The following PDK1 variants were observed in gnomAD, a reference collection of about 807,000 sequenced individuals.
The protein encoded by PDK1 is [Pyruvate dehydrogenase (acetyl-transferring)] kinase isozyme 1, mitochondrial.
Under a neutral mutation model 54.2 loss-of-function variants are expected in PDK1, and 39 were observed. The observed-to-expected ratio is 0.72, with a 90% confidence interval of 0.56 to 0.94. The LOEUF (loss-of-function observed/expected upper bound fraction) is 0.94. PDK1 is among the 40% of genes least tolerant of loss of function. PDK1 has a pLI of 0.00. For synonymous variants in PDK1, 221 were observed against 207.1 expected, an observed-to-expected ratio of 1.07 and a Z score of -0.58; for missense variants, 552 against 566.0, an observed-to-expected ratio of 0.98 and a Z score of 0.25.
chr2:172,685,921 G>T, the PDK1 span, among the ~76,000 whole-genome samples: 1 of 152,118 alleles, frequency 6.6e-6, no homozygotes, highest in Admixed American at 6.5e-5. Flanking sequence ...TTCCTGTTTT[G>T]CATTCACATT....
the PDK1 span, among the ~76,000 whole-genome samples, chr2:172,657,704 C>A: frequency 6.6e-6 from 1 of 152,056 alleles, no homozygotes; most frequent in Admixed American, 6.6e-5. Flanking sequence ...ATGAAATTCC[C>A]ATGTGAAAGA....
rs1691210598 is a variant in PDK1, at chr2:172,604,215, G to A, written c.*8246G>A. On this transcript the variant is annotated 3_prime_UTR_variant, in exon 11 of 11. Coordinates refer to ENST00000282077, the MANE Select transcript of PDK1 (RefSeq NM_002610.5). Reference sequence around the variant, plus strand: ...TCCTGCCTCAGCCTCCCCAGTAGCTGGGATTACAGGCGAGCGCCATCATGC... The same window carrying A: ...TCCTGCCTCAGCCTCCCCAGTAGCTAGGATTACAGGCGAGCGCCATCATGC... The A allele has an allele frequency of 6.6e-6, 1 of 152,146 alleles. No individual in the cohort carries two copies. Among genetic ancestry groups the A allele is most frequent in the African/African-American group, 2.4e-5 (1 of 41,424 alleles). The allele number at this position is 152,146 out of a possible 1,614,324, so 9.4% of individuals were successfully genotyped here.
rs1249320161 is a variant in PDK1 at position 172,595,855 on chromosome 2, A to G, written c.1197A>G (p.Arg399=). Residue 399 remains arginine (R), a synonymous_variant, in exon 11 of 11, where the codon AGA becomes AGG. Transcript: ENST00000282077. The stretch of plus-strand genomic sequence containing the variant: ...CTCTGTCAACAGACTCAATAGAAAG[A>G]CTCCCAGTGTATAACAAAGCTGCCT... ...IKALSTDSIE[R]LPVYNKAAWK... The G allele has an allele frequency of 6.2e-7, 1 of 1,613,682 alleles. No individual in the cohort carries two copies. The highest frequency in any genetic ancestry group is 2.2e-5 in the East Asian group (1 of 44,880).
At chr2:172,579,261 C>A (rs1689747173) in intron 8 of PDK1, among the ~76,000 whole-genome samples, 1 of 152,056 alleles carries the variant, frequency 6.6e-6, no homozygotes, top group Admixed American at 6.5e-5. Context: ...GGGTGCAAGA[C>A]TTTTGTACTG....
the PDK1 span, among the ~76,000 whole-genome samples, chr2:172,640,142 G>A: frequency 5.9e-5 from 9 of 152,208 alleles, no homozygotes; most frequent in African/African-American, 1.9e-4. Context: ...ATGGACTACT[G>A]CCAGGAAATT....
chr2:172,563,409 T>C (rs1441822124), intron 3 of PDK1, among the ~76,000 whole-genome samples: 1 of 152,262 alleles, frequency 6.6e-6, no homozygotes, highest in Non-Finnish European at 1.5e-5. Flanking sequence ...CCAAAAATGT[T>C]TTAAGCAGTG....
the PDK1 span, among the ~76,000 whole-genome samples, chr2:172,684,458 T>C: frequency 6.6e-6 from 1 of 151,924 alleles, no homozygotes; most frequent in Non-Finnish European, 1.5e-5. Context: ...AAATAAAGAA[T>C]AGAAAAGGAA....
At chr2:172,709,796 C>T in the PDK1 span, among the ~76,000 whole-genome samples, 30 of 152,290 alleles carry the variant, frequency 2.0e-4, no homozygotes, top group East Asian at 5.2e-3. Flanking sequence ...TCACTTCTTC[C>T]AGTCTGTTCC....
At chr2:172,619,900 C>T in the PDK1 span, among the ~76,000 whole-genome samples, 1 of 152,226 alleles carries the variant, frequency 6.6e-6, no homozygotes, top group African/African-American at 2.4e-5. Context: ...GCAGGTGGCT[C>T]ACACCTGTAA....
intron 8 of PDK1, among the ~76,000 whole-genome samples, chr2:172,583,652 A>C (rs756331252): frequency 6.6e-6 from 1 of 152,114 alleles, no homozygotes; most frequent in Non-Finnish European, 1.5e-5. Context: ...ACTTAATTTT[A>C]GATGTATTCG....
chr2:172,559,889 G>T (rs192624349), intron 2 of PDK1, among the ~76,000 whole-genome samples: 1 of 151,780 alleles, frequency 6.6e-6, no homozygotes, highest in Non-Finnish European at 1.5e-5. Context: ...TGTCACCCAG[G>T]TTGGAGTGCA....
the PDK1 span, among the ~76,000 whole-genome samples, chr2:172,617,237 G>A: frequency 6.6e-6 from 1 of 151,976 alleles, no homozygotes; most frequent in Non-Finnish European, 1.5e-5. Context: ...ACAGGCATGA[G>A]CCACCACGCC....
rs1690225011 is a variant in PDK1 at position 172,586,333 on chromosome 2, A to G, written c.1001A>G (p.Tyr334Cys). The part of the protein sequence containing the change: ...PLRKIDRLFN[Y>C]MYSTAPRPRV... ...AGGAAAATTGACAGACTTTTCAACT[A>G]CATGTATTCAACTGCACCAAGACCT... The change falls in exon 9 of 11, where the codon TAC (tyrosine) becomes TGC (cysteine). Residue 334 changes from tyrosine (Y) to cysteine (C), a missense_variant. Transcript: ENST00000282077. The G allele has an allele frequency of 8.7e-6, 14 of 1,613,366 alleles. No homozygotes were observed. The highest frequency in any genetic ancestry group is 1.1e-5 in the Non-Finnish European group (13 of 1,179,404).
At chr2:172,668,797 TG>T in the PDK1 span, among the ~76,000 whole-genome samples, 19,441 of 146,470 alleles carry the variant, frequency 0.13, 1,479 homozygotes, top group South Asian at 0.22. Context: ...TATATGTATG[TG>T]TATATATATA....
the PDK1 span, among the ~76,000 whole-genome samples, chr2:172,703,826 G>T: frequency 0.19 from 24,869 of 130,912 alleles, 2,480 homozygotes; most frequent in Middle Eastern, 0.31. Context: ...AGGCTGGCAT[G>T]CAGTTGTGCG....
At chr2:172,660,954 A>G in the PDK1 span, among the ~76,000 whole-genome samples, 1 of 152,124 alleles carries the variant, frequency 6.6e-6, no homozygotes, top group Non-Finnish European at 1.5e-5. Flanking sequence ...AGCTCTGTAG[A>G]TGGTAGTGAT....
intron 1 of PDK1, chr2:172,556,592 C>A: frequency 2.8e-6 from 1 of 363,274 alleles, no homozygotes; most frequent in Non-Finnish European, 4.9e-6. Flanking sequence ...AGCTGGGCCG[C>A]GGGACGACCT....
intron 6 of PDK1, among the ~76,000 whole-genome samples, chr2:172,568,211 C>T (rs1199632684): frequency 1.3e-5 from 2 of 151,484 alleles, no homozygotes; most frequent in Admixed American, 6.6e-5. Context: ...GCCTGTAATC[C>T]CAGCTACTCG....
At chr2:172,654,722 C>A in the PDK1 span, among the ~76,000 whole-genome samples, 3 of 151,886 alleles carry the variant, frequency 2.0e-5, no homozygotes, top group African/African-American at 7.3e-5. Context: ...AACAAATGTG[C>A]GTGTTGTGCA....
Sources: gnomAD v4.1 joint callset for allele counts (sites outside exome capture counted in the v4.1 genomes callset) on GRCh38, gnomAD v4.1.1 for gene constraint, MANE v1.5 for transcripts, NCBI Gene and HGNC (gene_info 2026-07-23, HGNC 2026-07-21) for gene names.